The following SDK1 variants were observed in gnomAD, a reference collection of about 807,000 sequenced individuals.
SDK1 encodes the protein sidekick cell adhesion molecule 1.
Under a neutral mutation model 245.5 loss-of-function variants are expected in SDK1, and 157 were observed. The observed-to-expected ratio is 0.64, with a 90% CI of 0.56 to 0.73. SDK1 has a LOEUF of 0.73. Among genes scored for constraint, SDK1 ranks in the 30% least tolerant of loss-of-function variants. The pLI is 0.00. For synonymous variants in SDK1, 1,647 were observed against 1,278.5 expected, an observed-to-expected ratio of 1.29 and a Z score of -6.15; for missense variants, 3,583 against 3,002.3, an observed-to-expected ratio of 1.19 and a Z score of -4.52.
At chr7:3,811,005 C>G (rs1027522355) in intron 4 of SDK1, among the ~76,000 whole-genome samples, 2 of 152,172 alleles carry the variant, frequency 1.3e-5, no homozygotes, top group African/African-American at 4.8e-5. Context: ...AACTAAAACT[C>G]TAGGAAGTAT....
At chr7:3,547,842 T>G (rs1777021878) in intron 1 of SDK1, among the ~76,000 whole-genome samples, 2 of 152,228 alleles carry the variant, frequency 1.3e-5, no homozygotes, top group South Asian at 4.1e-4. Flanking sequence ...GGATGACTTT[T>G]TGCCACCCTG....
intron 1 of SDK1, among the ~76,000 whole-genome samples, chr7:3,380,352 T>C (rs1437246950): frequency 6.6e-6 from 1 of 152,236 alleles, no homozygotes; most frequent in Non-Finnish European, 1.5e-5. Context: ...TGTTTTAACG[T>C]TGTTAAATGG....
intron 5 of SDK1, among the ~76,000 whole-genome samples, chr7:3,878,287 G>A (rs1266147392): frequency 1.3e-5 from 2 of 152,132 alleles, no homozygotes; most frequent in Admixed American, 6.5e-5. Context: ...TTGGGAGGCC[G>A]AGACGGGTGG....
intron 5 of SDK1, among the ~76,000 whole-genome samples, chr7:3,843,043 C>T (rs1033914873): frequency 6.6e-6 from 1 of 152,070 alleles, no homozygotes; most frequent in Admixed American, 6.5e-5. Context: ...TTAGGAAAAC[C>T]CATGTGTAAT....
chr7:3,474,783 T>C (rs1781301328), intron 1 of SDK1, among the ~76,000 whole-genome samples: 1 of 152,160 alleles, frequency 6.6e-6, no homozygotes, highest in Non-Finnish European at 1.5e-5. Flanking sequence ...CTGGAACTCC[T>C]GGGTTCAAGC....
chr7:3,669,310 T>C (rs1783625597), intron 4 of SDK1, among the ~76,000 whole-genome samples: 1 of 152,212 alleles, frequency 6.6e-6, no homozygotes, highest in Non-Finnish European at 1.5e-5. Context: ...CAGAAACAGA[T>C]TAACTACAGA....
At chr7:3,595,867 A>C (rs1781043846) in intron 1 of SDK1, among the ~76,000 whole-genome samples, 2 of 150,258 alleles carry the variant, frequency 1.3e-5, no homozygotes, top group African/African-American at 4.9e-5. Context: ...CAACAACAAA[A>C]AAGGAGGTTA....
chr7:4,200,330 G>A (rs1286134296), intron 35 of SDK1, among the ~76,000 whole-genome samples: 2 of 152,246 alleles, frequency 1.3e-5, no homozygotes, highest in Non-Finnish European at 2.9e-5. Context: ...CACCTTCCTA[G>A]AGGAGCTGGA....
intron 1 of SDK1, among the ~76,000 whole-genome samples, chr7:3,566,567 C>A (rs1048530539): frequency 6.6e-6 from 1 of 151,954 alleles, no homozygotes; most frequent in African/African-American, 2.4e-5. Flanking sequence ...GAAAATTGAT[C>A]CACTTGATTT....
chr7:3,868,629 C>A (rs973609652), intron 5 of SDK1, among the ~76,000 whole-genome samples: 1 of 152,210 alleles, frequency 6.6e-6, no homozygotes, highest in Non-Finnish European at 1.5e-5. Flanking sequence ...TAATGTATTA[C>A]TATTTTAATA....
At chr7:4,037,706 G>T (rs1233067562) in intron 17 of SDK1, among the ~76,000 whole-genome samples, 2 of 152,114 alleles carry the variant, frequency 1.3e-5, no homozygotes, top group Admixed American at 1.3e-4. Context: ...TGGGACCATA[G>T]CATCTTGGAT....
chr7:3,426,285 AG>A (rs1221888848), intron 1 of SDK1, among the ~76,000 whole-genome samples: 4 of 152,146 alleles, frequency 2.6e-5, no homozygotes, highest in Non-Finnish European at 4.4e-5. Context: ...GCAGCATGGA[AG>A]GGTGCTAAGT....
intron 1 of SDK1, among the ~76,000 whole-genome samples, chr7:3,361,300 C>T (rs1297323060): frequency 6.6e-6 from 1 of 152,172 alleles, no homozygotes; most frequent in Non-Finnish European, 1.5e-5. Flanking sequence ...TGAAATTAGT[C>T]GTAAATTTTT....
intron 1 of SDK1, among the ~76,000 whole-genome samples, chr7:3,465,013 A>G (rs1318882090): frequency 6.6e-6 from 1 of 152,200 alleles, no homozygotes; most frequent in East Asian, 1.9e-4. Context: ...CAGAGGAACC[A>G]CAGAGGAAGA....
At chr7:3,769,936 C>CGG (rs1554260274) in intron 4 of SDK1, among the ~76,000 whole-genome samples, 1 of 144,650 alleles carries the variant, frequency 6.9e-6, no homozygotes, top group Admixed American at 7.0e-5. Context: ...TACTTATTGT[C>CGG]TGTGTGTGTG....
intron 1 of SDK1, among the ~76,000 whole-genome samples, chr7:3,468,525 C>T (rs528849372): frequency 1.3e-5 from 2 of 152,312 alleles, no homozygotes; most frequent in African/African-American, 4.8e-5. Context: ...TCTAACTTTT[C>T]CTCTGCCTCT....
chr7:3,914,987 C>T (rs977865562), intron 5 of SDK1, among the ~76,000 whole-genome samples: 1 of 152,206 alleles, frequency 6.6e-6, no homozygotes, highest in Non-Finnish European at 1.5e-5. Context: ...AAACTTGAAT[C>T]AGAATCATGC....
chr7:3,620,656 C>A (rs1201651901), intron 2 of SDK1, among the ~76,000 whole-genome samples: 2 of 152,112 alleles, frequency 1.3e-5, no homozygotes, highest in African/African-American at 2.4e-5. Context: ...AACCTTGCTT[C>A]CCAGCCTCTG....
chr7:3,704,502 A>G (rs1583324116), intron 4 of SDK1, among the ~76,000 whole-genome samples: 2 of 151,764 alleles, frequency 1.3e-5, no homozygotes, highest in Non-Finnish European at 2.9e-5. Flanking sequence ...AGAAATGTCT[A>G]TTTATGTCCT....
Sources: allele counts gnomAD v4.1 joint callset (sites outside exome capture counted in the v4.1 genomes callset), GRCh38; gene constraint gnomAD v4.1.1; transcripts MANE v1.5; gene names NCBI Gene and HGNC (gene_info 2026-07-23, HGNC 2026-07-21).